DMD: variants seen among roughly 807,000 people sequenced by gnomAD.
DMD encodes the protein dystrophin, also known as mutant dystrophin.
A neutral mutation model predicts 330.1 loss-of-function variants in DMD; 63 were observed. That is an observed-to-expected ratio of 0.19 (90% CI 0.16 to 0.24). The LOEUF is 0.24. DMD is among the 10% of genes least tolerant of loss of function. The pLI, the probability that DMD is intolerant of heterozygous loss-of-function variation, is 1.00. For missense variants in DMD, 3,344 were observed against 2,684.1 expected (o/e 1.25, Z -5.43); for synonymous variants, 1,223 against 959.8 (o/e 1.27, Z -5.07).
At chrX:31,333,114 T>C in intron 61 of DMD, among the ~76,000 whole-genome samples, 1 of 112,199 alleles carries the variant, frequency 8.9e-6, no homozygotes, top group East Asian at 2.8e-4. Context: ...CAAATCTTCC[T>C]CTTGGCATTC....
chrX:32,411,743 T>G lies in DMD; in HGVS notation c.4233+9A>C, dbSNP rs2098142721. 8.3e-7 allele frequency: 1 copy of G among 1,209,801 alleles called. No homozygotes were observed. The highest frequency in any genetic ancestry group is 1.1e-6 in the Non-Finnish European group (1 of 894,073). On this transcript the variant is annotated intron_variant, in intron 30 of 78. Transcript: ENST00000357033. The stretch of plus-strand genomic sequence containing the variant: ...AAAAGAATGGAAGCTGATTCCCAGA[T>G]GTACTTGCCTGGGCTTCCTGAGGCA...
intron 55 of DMD, among the ~76,000 whole-genome samples, chrX:31,592,877 T>A (rs909908735): frequency 9.0e-6 from 1 of 110,935 alleles, no homozygotes; most frequent in Admixed American, 9.6e-5. Flanking sequence ...AAAATAAACA[T>A]ATCTTTTCAT....
rs2148542082 is a variant in DMD at position 31,204,118 on chromosome X, T to C, written c.9650A>G (p.Tyr3217Cys). The C allele has an allele frequency of 8.3e-7, 1 of 1,210,458 alleles. No individual in the cohort carries two copies. Among genetic ancestry groups the C allele is most frequent in the Non-Finnish European group, 1.1e-6 (1 of 894,750 alleles). Reference sequence around the variant, plus strand: ...TGAACTTGCCACTTGCTTGAAAAGGTCTACAAAGGAAGAAGAAAATTGCAA... The same window carrying C: ...TGAACTTGCCACTTGCTTGAAAAGGCCTACAAAGGAAGAAGAAAATTGCAA... ...CKAHLEDKYR[Y>C]LFKQVASSTG... is the part of the protein sequence containing the mutation. The change falls in exon 67 of 79, where the codon TAC (tyrosine) becomes TGC (cysteine). Residue 3217 changes from tyrosine (Y) to cysteine (C), a missense_variant and splice_region_variant. Coordinates refer to ENST00000357033, the MANE Select transcript of DMD (RefSeq NM_004006.3).
chrX:32,579,977 C>T (rs1252664309), intron 13 of DMD, among the ~76,000 whole-genome samples: 1 of 107,967 alleles, frequency 9.3e-6, no homozygotes, highest in Non-Finnish European at 1.9e-5. Context: ...GTTGTTGTCA[C>T]TGCTGTTATT....
Position 31,861,666 on chromosome X carries a change from G to A in DMD, c.7098+13522C>T, listed in dbSNP as rs199961200. Among the ~76,000 whole-genome samples the A allele has an allele frequency of 9.2e-3, 720 of 78,656 alleles. 18 individuals are homozygous for A. Among genetic ancestry groups the A allele is most frequent in the South Asian group, 0.034 (41 of 1,221 alleles). The allele number at this position is 78,656 out of a possible 115,157, so 68.3% of individuals were successfully genotyped here. On this transcript the variant is annotated intron_variant, in intron 48 of 78. Transcript: ENST00000357033. ...TGTGTGTGTGTGTGTGTGTGTGTGT[G>A]TATATATATACACACACACACACAG...
intron 55 of DMD, among the ~76,000 whole-genome samples, chrX:31,551,615 C>T (rs1466468694): frequency 8.9e-6 from 1 of 112,338 alleles, no homozygotes; most frequent in Non-Finnish European, 1.9e-5. Flanking sequence ...CTAGACTCAT[C>T]CCTTAAATTT....
At chrX:31,411,503 T>C (rs1357052544) in intron 60 of DMD, among the ~76,000 whole-genome samples, 2 of 112,178 alleles carry the variant, frequency 1.8e-5, no homozygotes, top group Non-Finnish European at 3.8e-5. Flanking sequence ...AGGGTGTACA[T>C]TGTATATATT....
At chrX:32,296,513 A>G (rs2097497186) in intron 42 of DMD, among the ~76,000 whole-genome samples, 1 of 111,736 alleles carries the variant, frequency 8.9e-6, no homozygotes, top group South Asian at 3.8e-4. Context: ...ATAATTTACA[A>G]GTGTCTTTGC....
At chrX:32,554,817 GGAGGGAGGGGGAGGGAGAGAGAGAGAGA>G (rs1239735598) in intron 16 of DMD, among the ~76,000 whole-genome samples, 541 of 49,932 alleles carry the variant, frequency 0.011, 26 homozygotes, top group African/African-American at 0.031. Flanking sequence ...AGGGAGGGAG[GGAGGGAGGGGGAGGGAGAGAGAGAGAGA>G]GAGAGAGAGA....
At chrX:33,064,562 TA>T (rs1444322133) in intron 1 of DMD, among the ~76,000 whole-genome samples, 4 of 112,449 alleles carry the variant, frequency 3.6e-5, no homozygotes, top group Non-Finnish European at 7.5e-5. Flanking sequence ...GAATTGCACT[TA>T]AATGATATTC....
In DMD at chrX:32,203,197, A is replaced by T. The variant is rs1240319294; in HGVS notation, c.6438+13719T>A. Among the ~76,000 whole-genome samples the T allele has an allele frequency of 3.6e-4, 40 of 112,398 alleles. No homozygotes were observed. In the Admixed American group the frequency reaches 3.8e-3, roughly 11 times the overall value. On this transcript the variant is annotated intron_variant, in intron 44 of 78. Coordinates refer to ENST00000357033, the MANE Select transcript of DMD (RefSeq NM_004006.3). ...TCTGTTTCTATAAAACTTTTAAAAT[A>T]CAGTTATTATGGAAATTTAAAACTA...
At chrX:32,913,027 T>C (rs1399494480) in intron 2 of DMD, among the ~76,000 whole-genome samples, 1 of 112,388 alleles carries the variant, frequency 8.9e-6, no homozygotes, top group Non-Finnish European at 1.9e-5. Context: ...TTTTTGTTTT[T>C]TAAATCTGAA....
intron 48 of DMD, among the ~76,000 whole-genome samples, chrX:31,860,851 T>C (rs978440304): frequency 1.6e-4 from 18 of 112,201 alleles, no homozygotes; most frequent in African/African-American, 5.5e-4. Context: ...AGCAAATATT[T>C]ACATATTAGT....
intron 16 of DMD, among the ~76,000 whole-genome samples, chrX:32,557,959 TATTAATA>T (rs1031788888): frequency 2.7e-5 from 3 of 110,038 alleles, no homozygotes; most frequent in African/African-American, 9.9e-5. Context: ...ATTTAATTTA[TATTAATA>T]ATTAATTTAT....
chrX:33,167,130 T>C (rs1164236794), intron 1 of DMD, among the ~76,000 whole-genome samples: 3 of 111,598 alleles, frequency 2.7e-5, no homozygotes, highest in African/African-American at 9.7e-5. Flanking sequence ...CTGAGAATTC[T>C]TTCTGTAGTA....
chrX:32,308,247 C>T (rs1207748292), intron 42 of DMD, among the ~76,000 whole-genome samples: 1 of 110,813 alleles, frequency 9.0e-6, no homozygotes, highest in African/African-American at 3.3e-5. Context: ...TTGTGTTGTA[C>T]TGCACTTTCA....
intron 7 of DMD, among the ~76,000 whole-genome samples, chrX:32,764,501 T>C (rs1156283230): frequency 2.7e-5 from 3 of 111,352 alleles, no homozygotes; most frequent in Non-Finnish European, 5.7e-5. Context: ...CTACTTTATC[T>C]ATGCATTTTA....
At chrX:32,826,551 A>G (rs1201009542) in intron 4 of DMD, among the ~76,000 whole-genome samples, 3 of 111,783 alleles carry the variant, frequency 2.7e-5, no homozygotes, top group Non-Finnish European at 5.6e-5. Context: ...TTGCAATGAA[A>G]TTAATGAATC....
At chrX:33,003,615 C>G (rs960688048) in intron 2 of DMD, among the ~76,000 whole-genome samples, 1 of 110,597 alleles carries the variant, frequency 9.0e-6, no homozygotes, top group Non-Finnish European at 1.9e-5. Flanking sequence ...TCTTTTTGTC[C>G]GTTTTTTTAA....
Sources: allele counts gnomAD v4.1 joint callset (sites outside exome capture counted in the v4.1 genomes callset), GRCh38; gene constraint gnomAD v4.1.1; transcripts MANE v1.5; gene names NCBI Gene and HGNC (gene_info 2026-07-23, HGNC 2026-07-21).